FBXL2: variants seen among roughly 807,000 people sequenced by gnomAD.
The protein encoded by FBXL2 is F-box/LRR-repeat protein 2.
FBXL2 carries 38 observed loss-of-function variants against 69.2 expected under a neutral mutation model. That is an observed-to-expected ratio of 0.55 (90% CI 0.42 to 0.72). The LOEUF is 0.72. Among genes scored for constraint, FBXL2 ranks in the 30% least tolerant of loss-of-function variants. FBXL2 has a pLI of 0.00. For synonymous variants in FBXL2, 192 were observed against 201.3 expected (o/e 0.95, Z 0.39); for missense variants, 354 against 520.3 (o/e 0.68, Z 3.11).
chr3:33,287,543 T>A (rs1370678496), intron 1 of FBXL2, among the ~76,000 whole-genome samples: 1 of 152,156 alleles, frequency 6.6e-6, no homozygotes, highest in Non-Finnish European at 1.5e-5. Context: ...GTACAGTGGC[T>A]CAGCTCACTG....
intron 2 of FBXL2, among the ~76,000 whole-genome samples, chr3:33,342,288 A>G (rs973884070): frequency 1.3e-5 from 2 of 151,578 alleles, no homozygotes; most frequent in African/African-American, 4.8e-5. Flanking sequence ...TACAGGTATA[A>G]GCCACTGTGC....
the FBXL2 span, among the ~76,000 whole-genome samples, chr3:33,415,635 T>C: frequency 1.3e-5 from 2 of 152,100 alleles, no homozygotes; most frequent in African/African-American, 4.8e-5. Context: ...AAAATTGTTC[T>C]AACATTTTTG....
intron 1 of FBXL2, among the ~76,000 whole-genome samples, chr3:33,279,339 C>T (rs572349053): frequency 5.9e-4 from 89 of 151,688 alleles, no homozygotes; most frequent in African/African-American, 2.0e-3. Flanking sequence ...GGTGCGATCT[C>T]GGCTCACTGC....
At chr3:33,294,943 G>A (rs987104865) in intron 1 of FBXL2, among the ~76,000 whole-genome samples, 16 of 151,998 alleles carry the variant, frequency 1.1e-4, no homozygotes, top group African/African-American at 3.9e-4. Context: ...CTGGAACTTG[G>A]AATACAGTAG....
At chr3:33,356,827 A>G (rs2041237207) in intron 2 of FBXL2, among the ~76,000 whole-genome samples, 1 of 152,190 alleles carries the variant, frequency 6.6e-6, no homozygotes, top group Admixed American at 6.5e-5. Context: ...CTTTATAGCT[A>G]CTTGTGTCAG....
intron 2 of FBXL2, among the ~76,000 whole-genome samples, chr3:33,326,854 G>C (rs1016341903): frequency 6.6e-6 from 1 of 152,148 alleles, no homozygotes; most frequent in South Asian, 2.1e-4. Flanking sequence ...ATCACTTTTT[G>C]TTATCCTATT....
At chr3:33,412,870 A>G in the FBXL2 span, 8 of 1,304,482 alleles carry the variant, frequency 6.1e-6, no homozygotes, top group Non-Finnish European at 6.7e-6. Flanking sequence ...AAACTGCTCC[A>G]GCTAAAATGC....
chr3:33,410,366 T>C, the FBXL2 span, among the ~76,000 whole-genome samples: 1 of 152,152 alleles, frequency 6.6e-6, no homozygotes. Flanking sequence ...CAACCTGATA[T>C]GTAAAGCCAG....
At position 33,325,458 on chromosome 3, in the gene FBXL2, T is replaced by G. The variant is rs13315939; in HGVS notation, c.65+27733T>G. Reference sequence around the variant, plus strand: ...ATAAATAGCTCTTATTATTTTGAGGTACGTTCCATCATTACCTAGTTTACT... The same window carrying G: ...ATAAATAGCTCTTATTATTTTGAGGGACGTTCCATCATTACCTAGTTTACT... On this transcript the variant is annotated intron_variant, in intron 2 of 14. Transcript: ENST00000484457. Among the ~76,000 whole-genome samples the G allele has an allele frequency of 8.4e-3, 1,275 of 152,318 alleles. 20 individuals are homozygous for G. Among genetic ancestry groups the G allele is most frequent in the African/African-American group, 0.029 (1,186 of 41,566 alleles).
chr3:33,357,429 G>T (rs117369427), intron 2 of FBXL2, among the ~76,000 whole-genome samples: 2 of 152,056 alleles, frequency 1.3e-5, no homozygotes, highest in African/African-American at 4.8e-5. Context: ...TTTGTGTTGG[G>T]CAAGGTAGAT....
At chr3:33,278,209 C>T (rs1195822943) in intron 1 of FBXL2, 1 of 152,180 alleles carries the variant, frequency 6.6e-6, no homozygotes, top group Non-Finnish European at 1.5e-5. Context: ...ACACCTGGCC[C>T]CCTTTAAGCT....
At chr3:33,361,227 G>A (rs1252407982) in intron 4 of FBXL2, among the ~76,000 whole-genome samples, 1 of 151,662 alleles carries the variant, frequency 6.6e-6, no homozygotes. Context: ...AGTCAGGCTG[G>A]GTGCAGTGGC....
At chr3:33,352,067 T>C (rs2040864281) in intron 2 of FBXL2, among the ~76,000 whole-genome samples, 1 of 152,048 alleles carries the variant, frequency 6.6e-6, no homozygotes, top group Non-Finnish European at 1.5e-5. Context: ...ATTGGACTAA[T>C]TTTAAGACTT....
chr3:33,335,363 C>A (rs940921770), intron 2 of FBXL2, among the ~76,000 whole-genome samples: 1 of 152,000 alleles, frequency 6.6e-6, no homozygotes, highest in African/African-American at 2.4e-5. Flanking sequence ...AATATGAAAT[C>A]CCTTTTACCT....
At chr3:33,396,155 T>TG in intron 12 of FBXL2, 1 of 1,560,474 alleles carries the variant, frequency 6.4e-7, no homozygotes, top group Non-Finnish European at 8.8e-7. Flanking sequence ...ATGCCCTCAA[T>TG]ACCTACCATA....
At chr3:33,296,241 CT>C (rs1344601287) in intron 1 of FBXL2, among the ~76,000 whole-genome samples, 1 of 151,940 alleles carries the variant, frequency 6.6e-6, no homozygotes, top group East Asian at 1.9e-4. Flanking sequence ...AATTTTTGTA[CT>C]TTTAGTAGAG....
At chr3:33,352,779 C>G (rs1338057797) in intron 2 of FBXL2, among the ~76,000 whole-genome samples, 1 of 152,046 alleles carries the variant, frequency 6.6e-6, no homozygotes, top group Non-Finnish European at 1.5e-5. Flanking sequence ...GTCTGTAATC[C>G]CAGCTACTGA....
intron 2 of FBXL2, among the ~76,000 whole-genome samples, chr3:33,337,804 A>G (rs952633809): frequency 9.8e-5 from 15 of 152,336 alleles, no homozygotes; most frequent in Admixed American, 9.8e-4. Context: ...AGTCAGTAGC[A>G]TTTCTGTAGA....
chr3:33,354,633 A>G, intron 2 of FBXL2, among the ~76,000 whole-genome samples: 1 of 151,540 alleles, frequency 6.6e-6, no homozygotes, highest in East Asian at 1.9e-4. Context: ...GAAAGGCAGG[A>G]AAAAAAAACC....
Sources: allele counts gnomAD v4.1 joint callset (sites outside exome capture counted in the v4.1 genomes callset), GRCh38; gene constraint gnomAD v4.1.1; transcripts MANE v1.5; gene names NCBI Gene and HGNC (gene_info 2026-07-23, HGNC 2026-07-21).